The following ATXN1 variants were observed in gnomAD, a reference collection of about 807,000 sequenced individuals.
The protein encoded by ATXN1 is ataxin 1.
A neutral mutation model predicts 56.4 loss-of-function variants in ATXN1; 8 were observed. That is an observed-to-expected ratio of 0.14 (90% CI 0.08 to 0.26). The LOEUF (loss-of-function observed/expected upper bound fraction) is 0.26. Among genes scored for constraint, ATXN1 ranks in the 10% least tolerant of loss-of-function variants. The probability of loss-of-function intolerance (pLI) is 1.00; values close to 1 mark genes in which losing one functional copy is unlikely to be tolerated. For synonymous variants in ATXN1, 514 were observed against 494.6 expected (o/e 1.04, Z -0.52); for missense variants, 987 against 1,106.5 (o/e 0.89, Z 1.53).
chr6:16,314,144 C>T (rs6901150), intron 7 of ATXN1, among the ~76,000 whole-genome samples: 40,698 of 152,136 alleles, frequency 0.27, 7,216 homozygotes, highest in African/African-American at 0.51. Flanking sequence ...GTGTGAACTA[C>T]CTAGACAATG....
At chr6:16,351,672 G>A (rs1350335515) in intron 6 of ATXN1, among the ~76,000 whole-genome samples, 1 of 152,042 alleles carries the variant, frequency 6.6e-6, no homozygotes, top group Non-Finnish European at 1.5e-5. Context: ...CAAAGTGTTG[G>A]GATAACAGGC....
intron 3 of ATXN1, among the ~76,000 whole-genome samples, chr6:16,652,525 C>T (rs1758086806): frequency 6.6e-6 from 1 of 152,220 alleles, no homozygotes; most frequent in Non-Finnish European, 1.5e-5. Flanking sequence ...CAACATCTGG[C>T]ATTTTGCTAA....
chr6:16,603,617 T>G (rs1288079638), intron 3 of ATXN1, among the ~76,000 whole-genome samples: 1 of 151,984 alleles, frequency 6.6e-6, no homozygotes, highest in Non-Finnish European at 1.5e-5. Context: ...CATTTGGAGG[T>G]CTGAGTTGAA....
At chr6:16,566,366 AT>A in intron 4 of ATXN1, among the ~76,000 whole-genome samples, 1 of 152,154 alleles carries the variant, frequency 6.6e-6, no homozygotes, top group South Asian at 2.1e-4. Context: ...CCCTTAATTA[AT>A]AATTTTTGTT....
At chr6:16,525,921 A>G (rs1314966683) in intron 4 of ATXN1, among the ~76,000 whole-genome samples, 1 of 151,468 alleles carries the variant, frequency 6.6e-6, no homozygotes, top group Admixed American at 6.6e-5. Flanking sequence ...AAACCCAAGT[A>G]ATACAAATCC....
At chr6:16,534,887 C>T (rs1491002911) in intron 4 of ATXN1, among the ~76,000 whole-genome samples, 5 of 152,188 alleles carry the variant, frequency 3.3e-5, no homozygotes, top group Admixed American at 6.5e-5. Context: ...CGCACCAGCC[C>T]TTCTGTATTC....
chr6:16,711,211 T>C (rs1030748601), intron 2 of ATXN1, among the ~76,000 whole-genome samples: 2 of 152,224 alleles, frequency 1.3e-5, no homozygotes, highest in African/African-American at 2.4e-5. Context: ...TGTTGTTTCA[T>C]ACATTTTAAT....
At chr6:16,669,175 A>G (rs1022032329) in intron 2 of ATXN1, among the ~76,000 whole-genome samples, 12 of 152,228 alleles carry the variant, frequency 7.9e-5, no homozygotes, top group Non-Finnish European at 1.6e-4. Context: ...CTAAGAGCAG[A>G]CTGTTTCTTT....
intron 4 of ATXN1, among the ~76,000 whole-genome samples, chr6:16,533,955 A>C (rs1333786990): frequency 3.3e-5 from 5 of 152,154 alleles, no homozygotes; most frequent in African/African-American, 1.2e-4. Flanking sequence ...GCCTACTACA[A>C]GCAGAATAAC....
intron 3 of ATXN1, among the ~76,000 whole-genome samples, chr6:16,656,492 G>A (rs1452260285): frequency 6.7e-6 from 1 of 148,336 alleles, no homozygotes; most frequent in Non-Finnish European, 1.5e-5. Flanking sequence ...CATGAACGGG[G>A]TTGATAAAAA....
chr6:16,646,772 T>A (rs1305833764), intron 3 of ATXN1, among the ~76,000 whole-genome samples: 1 of 152,230 alleles, frequency 6.6e-6, no homozygotes, highest in Non-Finnish European at 1.5e-5. Context: ...TCCTTTGTGT[T>A]CCCACAGCAT....
At chr6:16,553,832 A>C (rs1374894597) in intron 4 of ATXN1, among the ~76,000 whole-genome samples, 1 of 152,172 alleles carries the variant, frequency 6.6e-6, no homozygotes, top group Non-Finnish European at 1.5e-5. Flanking sequence ...GCTTAAAGAC[A>C]ATCAGAAACC....
chr6:16,480,173 A>AC (rs1760407509), intron 6 of ATXN1, among the ~76,000 whole-genome samples: 1 of 148,148 alleles, frequency 6.8e-6, no homozygotes, highest in Admixed American at 6.7e-5. Flanking sequence ...AAAAAAAAAA[A>AC]AAAATATCTA....
chr6:16,589,427 A>G (rs1762684709), intron 3 of ATXN1, among the ~76,000 whole-genome samples: 1 of 150,762 alleles, frequency 6.6e-6, no homozygotes, highest in Admixed American at 6.6e-5. Context: ...ATCTACATTT[A>G]TATATTATAT....
At chr6:16,337,145 A>C (rs527939842) in intron 6 of ATXN1, among the ~76,000 whole-genome samples, 1 of 152,266 alleles carries the variant, frequency 6.6e-6, no homozygotes, top group Non-Finnish European at 1.5e-5. Flanking sequence ...CCTTATCCCT[A>C]AGTGGGGCTG....
At chr6:16,597,145 C>A (rs963238531) in intron 3 of ATXN1, among the ~76,000 whole-genome samples, 5 of 152,364 alleles carry the variant, frequency 3.3e-5, no homozygotes, top group African/African-American at 9.6e-5. Context: ...AGCTCCTACT[C>A]CTTCCACTAG....
intron 2 of ATXN1, among the ~76,000 whole-genome samples, chr6:16,708,889 G>A (rs1187742551): frequency 2.6e-5 from 4 of 152,006 alleles, no homozygotes; most frequent in South Asian, 2.1e-4. Flanking sequence ...AGCTGGGCAC[G>A]GTGGTGCATG....
At chr6:16,381,286 G>GA (rs1318875701) in intron 6 of ATXN1, among the ~76,000 whole-genome samples, 25 of 150,706 alleles carry the variant, frequency 1.7e-4, no homozygotes, top group Admixed American at 7.9e-4. Context: ...ACTCCATCAT[G>GA]AAAAAAAAAG....
At chr6:16,623,259 G>C (rs1446656335) in intron 3 of ATXN1, among the ~76,000 whole-genome samples, 1 of 152,120 alleles carries the variant, frequency 6.6e-6, no homozygotes, top group Non-Finnish European at 1.5e-5. Flanking sequence ...ATACACATTT[G>C]TTTTTGTTAA....
Sources: allele counts gnomAD v4.1 joint callset (sites outside exome capture counted in the v4.1 genomes callset), GRCh38; gene constraint gnomAD v4.1.1; transcripts MANE v1.5; gene names NCBI Gene and HGNC (gene_info 2026-07-23, HGNC 2026-07-21).